The following MEX3C variants were observed in gnomAD, a reference collection of about 807,000 sequenced individuals.
MEX3C encodes the protein mex-3 RNA binding family member C.
A neutral mutation model predicts 35.5 loss-of-function variants in MEX3C; 15 were observed. That is an observed-to-expected ratio of 0.42 (90% CI 0.28 to 0.65). MEX3C has a LOEUF of 0.65. Ranked by LOEUF, MEX3C falls within the 30% of genes least tolerant of loss-of-function variation. The probability of loss-of-function intolerance (pLI) is 0.20; values close to 1 mark genes in which losing one functional copy is unlikely to be tolerated. For missense variants in MEX3C, 711 were observed against 842.8 expected (o/e 0.84, Z 1.94); for synonymous variants, 390 against 352.8 (o/e 1.11, Z -1.18).
Position 51,196,600 on chromosome 18 carries a change from A to T in MEX3C, c.721T>A (p.Ser241Thr). The T allele has an allele frequency of 6.3e-7, 1 of 1,593,008 alleles. No individual in the cohort carries two copies. The change falls in exon 1 of 2, where the codon TCC (serine) becomes ACC (threonine). Residue 241 changes from serine (S) to threonine (T), a missense_variant. Coordinates refer to ENST00000406189, the MANE Select transcript of MEX3C (RefSeq NM_016626.5). ...CCGACGATCTCGGCGACGTGCTCGG[A>T]GCTGGGCACCGGGACGCACTCGGTG... ...NTTECVPVPS[S>T]EHVAEIVGRQ...
At position 51,176,312 on chromosome 18, in the gene MEX3C, G is replaced by A. The variant is rs577162467; in HGVS notation, c.*39C>T. The A allele has an allele frequency of 2.2e-4, 327 of 1,519,860 alleles. 2 individuals are homozygous for A. The South Asian group carries it at 4.0e-3, about 19-fold the overall frequency. 94.1% of individuals were successfully genotyped at this position (1,519,860 alleles called of 1,614,324 possible). ...TACCATTATACCCATGCCTTTACGA[G>A]TCCATATAGAGATATAGTATTTATG... On this transcript the variant is annotated 3_prime_UTR_variant, in exon 2 of 2. Transcript: ENST00000406189.
intron 1 of MEX3C, among the ~76,000 whole-genome samples, chr18:51,192,532 G>A (rs1028184828): frequency 6.6e-6 from 1 of 152,014 alleles, no homozygotes; most frequent in Non-Finnish European, 1.5e-5. Context: ...GTGCCTTGTG[G>A]GTAGTACAGA....
chr18:51,182,516 A>G (rs1160924918), intron 1 of MEX3C, among the ~76,000 whole-genome samples: 1 of 152,190 alleles, frequency 6.6e-6, no homozygotes, highest in Non-Finnish European at 1.5e-5. Context: ...AATTCCCTAA[A>G]AAAAGAGTCT....
intron 1 of MEX3C, 59 bp downstream of exon 1, chr18:51,196,508 C>T (rs775602749): frequency 1.3e-6 from 2 of 1,518,234 alleles, no homozygotes; most frequent in African/African-American, 1.4e-5. Context: ...TCCTTTCTCT[C>T]GTCTCCCCAC....
At position 51,196,762 on chromosome 18, in the gene MEX3C, GCACCCCCGCCGCCGCCGC is replaced by G; in HGVS notation, c.541_558del (p.Ala181_Val186del). On this transcript the variant is annotated inframe_deletion, in exon 1 of 2. Transcript: ENST00000406189. ...CCCTGGGCATCGTCCCCTCCGTACA[GCACCCCCGCCGCCGCCGC>G]CGCGGCCGCCGCCTCCCGGGCATCG... 1 of 1,501,684 alleles carries G rather than the reference GCACCCCCGCCGCCGCCGC, an allele frequency of 6.7e-7. No individual in the cohort carries two copies. Among genetic ancestry groups the G allele is most frequent in the Non-Finnish European group, 8.9e-7 (1 of 1,124,816 alleles). The allele number at this position is 1,501,684 out of a possible 1,614,324, so 93.0% of individuals were successfully genotyped here. A position where few individuals can be genotyped will look rare whatever the true frequency, so the allele number is the denominator to read the frequency against.
At chr18:51,193,759 C>T (rs1479804077) in intron 1 of MEX3C, 2 of 152,164 alleles carry the variant, frequency 1.3e-5, no homozygotes, top group Non-Finnish European at 2.9e-5. Context: ...AATTCGAGGT[C>T]AAACACTCTG....
intron 1 of MEX3C, chr18:51,195,100 AT>A (rs1912746445): frequency 1.3e-5 from 2 of 152,220 alleles, no homozygotes; most frequent in African/African-American, 4.8e-5. Context: ...ACCTGGCAAA[AT>A]ACAAGCTTGG....
chr18:51,193,008 C>T (rs1204462295), intron 1 of MEX3C: 2 of 152,154 alleles, frequency 1.3e-5, no homozygotes, highest in South Asian at 2.1e-4. Flanking sequence ...TTCTCCTGGT[C>T]ACAGACGTAT....
At chr18:51,196,460 T>G (rs1037033522) in intron 1 of MEX3C, 107 bp downstream of exon 1, 1 of 1,474,568 alleles carries the variant, frequency 6.8e-7, no homozygotes, top group Non-Finnish European at 8.9e-7. Flanking sequence ...CGCGGTGGAC[T>G]TGGGGGCCTC....
At chr18:51,181,166 T>C (rs1252662505) in intron 1 of MEX3C, among the ~76,000 whole-genome samples, 1 of 152,146 alleles carries the variant, frequency 6.6e-6, no homozygotes, top group Non-Finnish European at 1.5e-5. Context: ...GAAATAAAAT[T>C]CAGAAGCCGT....
intron 1 of MEX3C, among the ~76,000 whole-genome samples, chr18:51,179,295 C>T (rs1038372941): frequency 6.6e-6 from 1 of 152,178 alleles, no homozygotes; most frequent in Admixed American, 6.5e-5. Flanking sequence ...AGCCACCGCA[C>T]CTGGCCGATG....
chr18:51,191,616 A>G (rs1912649935), intron 1 of MEX3C, among the ~76,000 whole-genome samples: 1 of 152,216 alleles, frequency 6.6e-6, no homozygotes. Flanking sequence ...TGCTAAAGCC[A>G]AAAAAGGTGG....
chr18:51,197,228 A>T lies in MEX3C; in HGVS notation c.93T>A (p.Pro31=). The change falls in exon 1 of 2, where the codon CCT becomes CCA. Residue 31 remains proline, a synonymous_variant. Transcript: ENST00000406189. ...CCGGGCCGCCCGAGGGCGGCGGCAG[A>T]GGCGGCGGTGGCGGCGGCGGCGGCG... ...PPPPPPPPPP[P]LPPPSGGPEL... is the part of the protein sequence containing the mutation. 12 of 994,566 alleles carry T rather than the reference A, an allele frequency of 1.2e-5. No individual in the cohort carries two copies. The highest frequency in any genetic ancestry group is 1.4e-5 in the Non-Finnish European group (12 of 838,190). The allele number at this position is 994,566 out of a possible 1,614,324, so 61.6% of individuals were successfully genotyped here. A position where few individuals can be genotyped will look rare whatever the true frequency, so the allele number is the denominator to read the frequency against.
intron 1 of MEX3C, among the ~76,000 whole-genome samples, chr18:51,180,602 C>T (rs1019422612): frequency 2.0e-5 from 3 of 152,138 alleles, no homozygotes; most frequent in South Asian, 2.1e-4. Flanking sequence ...CTCAGCCTCC[C>T]GAGTAGCTGG....
chr18:51,191,945 G>A (rs74593889), intron 1 of MEX3C, among the ~76,000 whole-genome samples: 1,561 of 152,204 alleles, frequency 0.01, 31 homozygotes, highest in African/African-American at 0.036. Flanking sequence ...TATTGTATAA[G>A]CTACGATATT....
In MEX3C at chr18:51,197,593, C is replaced by G. The variant is rs1353851670; in HGVS notation, c.-273G>C. Among the ~76,000 whole-genome samples, 1 of 151,266 alleles carries G rather than the reference C, an allele frequency of 6.6e-6. No homozygotes were observed. The highest frequency in any genetic ancestry group is 1.5e-5 in the Non-Finnish European group (1 of 67,660). ...CGGGCTGGTGGAGGTGGCAGCGGCT[C>G]CCCTCTCAGTGTTTCTTTTGTTTCA... On this transcript the variant is annotated 5_prime_UTR_variant, in exon 1 of 2. Coordinates refer to ENST00000406189, the MANE Select transcript of MEX3C (RefSeq NM_016626.5).
intron 1 of MEX3C, chr18:51,195,362 A>AG (rs1912754345): frequency 6.6e-6 from 1 of 152,342 alleles, no homozygotes; most frequent in East Asian, 1.9e-4. Flanking sequence ...GTCTGAACTA[A>AG]GCTATCTCCT....
At chr18:51,194,094 TTC>T (rs1912720719) in intron 1 of MEX3C, 1 of 152,236 alleles carries the variant, frequency 6.6e-6, no homozygotes, top group Non-Finnish European at 1.5e-5. Flanking sequence ...TTAGGACAGA[TTC>T]TCTCCCGTGG....
intron 1 of MEX3C, 40 bp downstream of exon 1, chr18:51,196,527 G>A (rs761230512): frequency 2.0e-6 from 3 of 1,530,856 alleles, no homozygotes; most frequent in African/African-American, 1.4e-5. Flanking sequence ...ACCCACGCCC[G>A]GGGCCATGCC....
Sources: allele counts gnomAD v4.1 joint callset (sites outside exome capture counted in the v4.1 genomes callset), GRCh38; gene constraint gnomAD v4.1.1; transcripts MANE v1.5; gene names NCBI Gene and HGNC (gene_info 2026-07-23, HGNC 2026-07-21).